Variants in PLCG2 observed in about 807,000 individuals in gnomAD.
PLCG2 encodes the protein phospholipase C gamma 2, also known as 1-phosphatidylinositol 4,5-bisphosphate phosphodiesterase gamma-2.
In PLCG2, 69 loss-of-function variants were observed where a neutral mutation model predicts 175.6. The ratio of observed to expected loss-of-function variants is 0.39; its 90% CI spans 0.32 to 0.48. The LOEUF (loss-of-function observed/expected upper bound fraction) is 0.48. PLCG2 is among the 20% of genes least tolerant of loss of function. The pLI is 0.91. For synonymous variants in PLCG2, 827 were observed against 624.0 expected, an observed-to-expected ratio of 1.33 and a Z score of -4.85; for missense variants, 1,798 against 1,650.9, an observed-to-expected ratio of 1.09 and a Z score of -1.54.
Position 81,912,602 on chromosome 16 carries a change from A to G in PLCG2, c.1940A>G (p.Tyr647Cys). 6.2e-7 allele frequency: 1 copy of G among 1,612,910 alleles called. No individual in the cohort carries two copies. Among genetic ancestry groups the G allele is most frequent in the Non-Finnish European group, 8.5e-7 (1 of 1,179,746 alleles). Residue 647 changes from tyrosine (Y) to cysteine (C), a missense_variant, in exon 19 of 33, where the codon TAC (tyrosine) becomes TGC (cysteine). Transcript: ENST00000564138. The stretch of plus-strand genomic sequence containing the variant: ...TCCCTGGCCCTGTGCCGCAGGTGGT[A>G]CTATGACAGCCTGAGCCGCGGAGAG... ...NPNPHESKPW[Y>C]YDSLSRGEAE...
At chr16:81,941,308 C>G (rs1302827541) in intron 30 of PLCG2, among the ~76,000 whole-genome samples, 1 of 152,186 alleles carries the variant, frequency 6.6e-6, no homozygotes, top group Admixed American at 6.5e-5. Context: ...TGAGGTTGCA[C>G]CACTGCACTC....
intron 2 of PLCG2, among the ~76,000 whole-genome samples, chr16:81,843,844 C>T (rs892248841): frequency 3.9e-5 from 6 of 152,214 alleles, no homozygotes; most frequent in Admixed American, 6.5e-5. Context: ...GGCAGGATGC[C>T]GGGTTTGATG....
At chr16:81,798,608 T>C (rs1163413228) in intron 2 of PLCG2, 1 of 152,422 alleles carries the variant, frequency 6.6e-6, no homozygotes, top group Non-Finnish European at 1.5e-5. Flanking sequence ...GCTGCTTTCA[T>C]CTATACAAGT....
chr16:81,893,176 A>C (rs1376817536), intron 11 of PLCG2, among the ~76,000 whole-genome samples: 2 of 152,168 alleles, frequency 1.3e-5, no homozygotes, highest in African/African-American at 4.8e-5. Flanking sequence ...ACAAATTTTA[A>C]AAAAGTTGGG....
intron 5 of PLCG2, among the ~76,000 whole-genome samples, chr16:81,859,743 C>A (rs762569544): frequency 2.0e-5 from 3 of 151,958 alleles, no homozygotes; most frequent in Admixed American, 6.5e-5. Context: ...TCACCATGTT[C>A]GGCAGGATGG....
intron 1 of PLCG2, among the ~76,000 whole-genome samples, chr16:81,749,650 G>A (rs1909767912): frequency 6.6e-6 from 1 of 152,176 alleles, no homozygotes. Flanking sequence ...CACTGTGCCT[G>A]GCCTTCATTA....
intron 14 of PLCG2, among the ~76,000 whole-genome samples, chr16:81,901,538 C>A (rs563991110): frequency 1.3e-5 from 2 of 152,266 alleles, no homozygotes; most frequent in African/African-American, 2.4e-5. Flanking sequence ...TTTCACAGAC[C>A]CCCGAAGAAT....
intron 6 of PLCG2, among the ~76,000 whole-genome samples, chr16:81,869,917 C>T (rs1040442380): frequency 3.9e-5 from 6 of 152,164 alleles, no homozygotes; most frequent in Non-Finnish European, 5.9e-5. Context: ...ACTCATTCTT[C>T]TTAGGAAATG....
At chr16:81,788,471 G>A (rs567367793) in intron 2 of PLCG2, among the ~76,000 whole-genome samples, 10 of 152,176 alleles carry the variant, frequency 6.6e-5, no homozygotes, top group South Asian at 6.2e-4. Context: ...TAGTAGAGAC[G>A]GGGTCTCACT....
At chr16:81,873,350 C>T (rs1277535954) in intron 7 of PLCG2, among the ~76,000 whole-genome samples, 1 of 152,290 alleles carries the variant, frequency 6.6e-6, no homozygotes, top group Admixed American at 6.5e-5. Context: ...AAAAGCTTAT[C>T]AGAATACTTT....
chr16:81,864,134 G>A (rs1360624027), intron 5 of PLCG2, among the ~76,000 whole-genome samples: 1 of 152,172 alleles, frequency 6.6e-6, no homozygotes, highest in Non-Finnish European at 1.5e-5. Context: ...ATCCCCTGGA[G>A]GATTTGTGAA....
chr16:81,793,224 A>G (rs1202911731), intron 2 of PLCG2, among the ~76,000 whole-genome samples: 1 of 152,134 alleles, frequency 6.6e-6, no homozygotes, highest in South Asian at 2.1e-4. Flanking sequence ...AGCCTTCTGC[A>G]TAGAGTTAAG....
chr16:81,789,280 G>A (rs546805961), intron 2 of PLCG2, among the ~76,000 whole-genome samples: 4 of 152,156 alleles, frequency 2.6e-5, no homozygotes, highest in Non-Finnish European at 5.9e-5. Flanking sequence ...ACTCGCTTAC[G>A]CGGATGCGCT....
upstream of PLCG2, among the ~76,000 whole-genome samples, chr16:81,777,659 A>AG (rs11415278): frequency 0.56 from 85,176 of 151,616 alleles, 24,366 homozygotes; most frequent in South Asian, 0.75. Flanking sequence ...TTGTGAAGTC[A>AG]CAAACGAGTC....
chr16:81,906,650 C>T (rs1045363836), intron 15 of PLCG2, among the ~76,000 whole-genome samples: 1 of 152,210 alleles, frequency 6.6e-6, no homozygotes, highest in African/African-American at 2.4e-5. Context: ...TCTTGAACTC[C>T]TGATCTCAAG....
At chr16:81,910,161 G>C (rs1374573806) in intron 17 of PLCG2, among the ~76,000 whole-genome samples, 1 of 152,132 alleles carries the variant, frequency 6.6e-6, no homozygotes, top group Non-Finnish European at 1.5e-5. Context: ...CGTGATCTCG[G>C]CTCACTGCAA....
intron 2 of PLCG2, among the ~76,000 whole-genome samples, chr16:81,814,758 A>C (rs1425733111): frequency 3.9e-5 from 6 of 152,058 alleles, no homozygotes; most frequent in Non-Finnish European, 7.4e-5. Context: ...GCAAGGACCC[A>C]AGGCTTTTGT....
At chr16:81,904,487 C>A (rs1306197301) in intron 14 of PLCG2, among the ~76,000 whole-genome samples, 6 of 152,188 alleles carry the variant, frequency 3.9e-5, no homozygotes, top group Non-Finnish European at 8.8e-5. Flanking sequence ...GAAGTGCAGC[C>A]ACTTGCCCGG....
chr16:81,829,418 A>G (rs935366816), intron 2 of PLCG2, among the ~76,000 whole-genome samples: 2 of 152,062 alleles, frequency 1.3e-5, no homozygotes, highest in Non-Finnish European at 1.5e-5. Flanking sequence ...CAGTTTCACC[A>G]TGTTGACCAG....
Sources: gnomAD v4.1 joint callset for allele counts (sites outside exome capture counted in the v4.1 genomes callset) on GRCh38, gnomAD v4.1.1 for gene constraint, MANE v1.5 for transcripts, NCBI Gene and HGNC (gene_info 2026-07-23, HGNC 2026-07-21) for gene names.